SPNS2: variants seen among roughly 807,000 people sequenced by gnomAD.
SPNS2 encodes the protein sphingosine-1-phosphate transporter SPNS2.
Under a neutral mutation model 57.6 loss-of-function variants are expected in SPNS2, and 37 were observed. That is an observed-to-expected ratio of 0.64 (90% CI 0.49 to 0.85). SPNS2 has a LOEUF of 0.85. Ranked by LOEUF, SPNS2 falls within the 40% of genes least tolerant of loss-of-function variation. The pLI is 0.00. For synonymous variants in SPNS2, 440 were observed against 346.9 expected, an observed-to-expected ratio of 1.27 and a Z score of -2.98; for missense variants, 831 against 779.1, an observed-to-expected ratio of 1.07 and a Z score of -0.79.
At chr17:4,527,417 ACTAT>A (rs905856112) in intron 3 of SPNS2, among the ~76,000 whole-genome samples, 5 of 152,244 alleles carry the variant, frequency 3.3e-5, no homozygotes, top group Admixed American at 3.3e-4. Flanking sequence ...TTTGGGAAGA[ACTAT>A]CTATCCATCT....
intron 3 of SPNS2, among the ~76,000 whole-genome samples, chr17:4,528,804 C>T (rs1905341029): frequency 2.0e-5 from 3 of 151,920 alleles, no homozygotes; most frequent in Admixed American, 6.6e-5. Flanking sequence ...GACAGGGTCT[C>T]GCTCTGTCAC....
Position 4,499,024 on chromosome 17 carries a change from C to G in SPNS2, c.-24C>G. 1.5e-5 allele frequency: 15 copies of G among 999,394 alleles called. No homozygotes were observed. The highest frequency in any genetic ancestry group is 1.8e-5 in the Non-Finnish European group (15 of 840,638). 61.9% of individuals were successfully genotyped at this position (999,394 alleles called of 1,614,324 possible). On this transcript the variant is annotated 5_prime_UTR_variant, in exon 1 of 13. Transcript: ENST00000329078. This position sits in a 1 kb window ranked among gnomAD's most constrained non-coding sequence, Gnocchi z 5.2. Reference sequence around the variant, plus strand: ...CCTGGGCCCCGCGCCCCCCGCGCCCCCCGCCGCCCCGATCCGGGCCGGCAT... The same window carrying G: ...CCTGGGCCCCGCGCCCCCCGCGCCCGCCGCCGCCCCGATCCGGGCCGGCAT...
chr17:4,520,408 C>T (rs1194137594), intron 2 of SPNS2, among the ~76,000 whole-genome samples: 1 of 152,068 alleles, frequency 6.6e-6, no homozygotes, highest in South Asian at 2.1e-4. Flanking sequence ...CGGGGTCTGG[C>T]GAAGGTCTGG....
Position 4,533,414 on chromosome 17 carries a change from C to G in SPNS2, c.1260C>G (p.Ser420Arg). 6.2e-7 allele frequency: 1 copy of G among 1,605,928 alleles called. No individual in the cohort carries two copies. Among genetic ancestry groups the G allele is most frequent in the Non-Finnish European group, 8.5e-7 (1 of 1,176,698 alleles). The change falls in exon 8 of 13, where the codon AGC (serine) becomes AGG (arginine). Residue 420 changes from serine to arginine, a missense_variant. By Grantham distance (110) the Ser-to-Arg change is moderately radical. Around this residue, in one of 2 missense-constraint regions of SPNS2, gnomAD observed 526 missense variants for 400.9 expected, o/e 1.31. Transcript: ENST00000329078. ...FICLIFVAAK[S>R]SIVGAYICIF... ...GCCTGATCTTCGTGGCTGCCAAGAGCAGCATCGTAGGAGCCTATGTGAGTG... is the reference window on the plus strand; with the variant it reads ...GCCTGATCTTCGTGGCTGCCAAGAGGAGCATCGTAGGAGCCTATGTGAGTG...
At chr17:4,533,632 G>A (rs757671474) in intron 8 of SPNS2, 156 bp from the exon 9 acceptor site, 6 of 1,047,484 alleles carry the variant, frequency 5.7e-6, no homozygotes, top group Non-Finnish European at 8.4e-6. Context: ...CGTGGGCATG[G>A]CTTGAAGTCT....
In SPNS2 at chr17:4,499,342, C is replaced by T. The variant is rs1305739197; in HGVS notation, c.295C>T (p.Arg99Cys). The change falls in exon 1 of 13, where the codon CGC (arginine) becomes TGC (cysteine). Residue 99 changes from arginine to cysteine, a missense_variant. Arg to Cys is a radical substitution (Grantham distance 180). Around this residue, in one of 2 missense-constraint regions of SPNS2, gnomAD observed 305 missense variants for 378.3 expected, o/e 0.81. Coordinates refer to ENST00000329078, the MANE Select transcript of SPNS2 (RefSeq NM_001124758.3). This position sits in a 1 kb window ranked among gnomAD's most constrained non-coding sequence, Gnocchi z 5.2. ...AQQPKPASLGRGRGAAAAILS... is the reference protein window; with the variant it reads ...AQQPKPASLGCGRGAAAAILS... The stretch of plus-strand genomic sequence containing the variant: ...GCAGCCCAAACCGGCCAGCTTGGGC[C>T]GCGGGCGGGGGGCAGCCGCCGCCAT... The T allele has an allele frequency of 1.4e-6, 2 of 1,462,866 alleles. No individual in the cohort carries two copies. The highest frequency in any genetic ancestry group is 1.5e-5 in the African/African-American group (1 of 67,916). The allele number at this position is 1,462,866 out of a possible 1,614,324, so 90.6% of individuals were successfully genotyped here. A position where few individuals can be genotyped will look rare whatever the true frequency, so the allele number is the denominator to read the frequency against.
chr17:4,530,681 C>A lies in SPNS2; in HGVS notation c.623C>A (p.Ala208Asp). The A allele has an allele frequency of 6.2e-7, 1 of 1,613,842 alleles. No homozygotes were observed. The highest frequency in any genetic ancestry group is 8.5e-7 in the Non-Finnish European group (1 of 1,179,920). The change falls in exon 4 of 13, where the codon GCC becomes GAC. Residue 208 changes from alanine (A) to aspartate (D), a missense_variant. By Grantham distance (126) the Ala-to-Asp change is moderately radical. Around this residue, in one of 2 missense-constraint regions of SPNS2, gnomAD observed 305 missense variants for 378.3 expected, o/e 0.81. Transcript: ENST00000329078. ...LSRGLVGIGEASYSTIAPTII... is the reference protein window; with the variant it reads ...LSRGLVGIGEDSYSTIAPTII... ...CGGGGGCTGGTGGGCATCGGGGAGG[C>A]CAGCTACTCCACCATCGCCCCCACT...
chr17:4,510,726 G>C lies in SPNS2; in HGVS notation c.371-2521G>C, dbSNP rs892345287. Among the ~76,000 whole-genome samples, 31 of 152,178 alleles carry C rather than the reference G, an allele frequency of 2.0e-4. No homozygotes were observed. The highest frequency in any genetic ancestry group is 7.3e-5 in the Non-Finnish European group (5 of 68,040). ...CGACACCAAAATCGTGACTGTCCCTGCTCTGAGTCCTGGAGATGACCGGCC... is the reference window on the plus strand; with the variant it reads ...CGACACCAAAATCGTGACTGTCCCTCCTCTGAGTCCTGGAGATGACCGGCC... On this transcript the variant is annotated intron_variant, in intron 1 of 12. Transcript: ENST00000329078. The surrounding 1 kb of genome is among the most constrained non-coding windows in gnomAD (Gnocchi z 4.4).
At chr17:4,518,340 T>C (rs35273626) in intron 2 of SPNS2, among the ~76,000 whole-genome samples, 26,946 of 151,950 alleles carry the variant, frequency 0.18, 4,100 homozygotes, top group East Asian at 0.67. Context: ...CTGGCTAACA[T>C]GGTGAAACCC....
intron 5 of SPNS2, 27 bp downstream of exon 5, chr17:4,531,146 G>T (rs375227424): frequency 6.2e-7 from 1 of 1,611,744 alleles, no homozygotes; most frequent in East Asian, 2.2e-5. Context: ...TTCCCATGAG[G>T]ACACCCTCCG....
At chr17:4,513,514 A>C (rs1376830985) in intron 2 of SPNS2, among the ~76,000 whole-genome samples, 1 of 152,250 alleles carries the variant, frequency 6.6e-6, no homozygotes, top group Non-Finnish European at 1.5e-5. Flanking sequence ...TTGTGTAACA[A>C]AATGAATAAT....
chr17:4,536,009 C>CCCGGGG (rs951774361), intron 9 of SPNS2, 67 bp from the exon 10 acceptor site: 269 of 1,414,758 alleles, frequency 1.9e-4, no homozygotes, highest in South Asian at 2.8e-4. Flanking sequence ...AGTGCCACGG[C>CCCGGGG]CCGGGGCCAG....
Position 4,536,804 on chromosome 17 carries a change from C to T in SPNS2, c.1608-96C>T, listed in dbSNP as rs182983542. On this transcript the variant is annotated intron_variant, in intron 11 of 12. Coordinates refer to ENST00000329078, the MANE Select transcript of SPNS2 (RefSeq NM_001124758.3). Reference sequence around the variant, plus strand: ...TGACGAGGTCCCTGCCCAGCACCTCCGGTCAGCTGGCCCCCACGACACGAT... The same window carrying T: ...TGACGAGGTCCCTGCCCAGCACCTCTGGTCAGCTGGCCCCCACGACACGAT... The T allele has an allele frequency of 3.4e-4, 345 of 1,027,672 alleles. 1 individual carries two copies. The highest frequency in any genetic ancestry group is 5.8e-4 in the South Asian group (44 of 76,064). 63.7% of individuals were successfully genotyped at this position (1,027,672 alleles called of 1,614,324 possible).
chr17:4,522,768 C>A (rs963812140), intron 2 of SPNS2, among the ~76,000 whole-genome samples: 22 of 152,240 alleles, frequency 1.4e-4, no homozygotes, highest in African/African-American at 5.1e-4. Flanking sequence ...GGATGGGGGG[C>A]CACCTCGCTG....
At chr17:4,529,268 C>T (rs983861190) in intron 3 of SPNS2, among the ~76,000 whole-genome samples, 5 of 151,302 alleles carry the variant, frequency 3.3e-5, no homozygotes, top group East Asian at 2.0e-4. Context: ...TTTTTAGAGA[C>T]GAGGTCTCAC....
chr17:4,524,514 A>G (rs1468235446), intron 2 of SPNS2, among the ~76,000 whole-genome samples: 2 of 152,144 alleles, frequency 1.3e-5, no homozygotes, highest in Admixed American at 1.3e-4. Flanking sequence ...GCAAAACCCC[A>G]TCTCTACTAA....
Position 4,532,631 on chromosome 17 carries a change from C to A in SPNS2, c.882C>A (p.Asp294Glu), listed in dbSNP as rs1211905836. ...TKRGHADQLG[D>E]QLKARTSWLR... ...GGGGTCATGCCGACCAGCTCGGGGA[C>A]CAGCTCAAGGCCCGGACCTCATGGC... The change falls in exon 6 of 13, where the codon GAC becomes GAA. Residue 294 changes from aspartate (D) to glutamate (E), a missense_variant. By Grantham distance (45) the Asp-to-Glu change is conservative. Transcript: ENST00000329078. 13 of 1,614,130 alleles carry A rather than the reference C, an allele frequency of 8.1e-6. No individual in the cohort carries two copies. The highest frequency in any genetic ancestry group is 1.1e-5 in the Non-Finnish European group (13 of 1,180,036).
chr17:4,537,515 C>G lies in SPNS2; in HGVS notation c.*67C>G. The G allele has an allele frequency of 2.2e-6, 1 of 456,862 alleles. No homozygotes were observed. Among genetic ancestry groups the G allele is most frequent in the Non-Finnish European group, 4.4e-6 (1 of 227,032 alleles). 28.3% of individuals were successfully genotyped at this position (456,862 alleles called of 1,614,324 possible). On this transcript the variant is annotated 3_prime_UTR_variant, in exon 13 of 13. Coordinates refer to ENST00000329078, the MANE Select transcript of SPNS2 (RefSeq NM_001124758.3). ...CGTCTGGGAGGTGTCCTACAGCGTC[C>G]GGGACCGGCTGGGCTGCCCCAAAGC... is the stretch of plus-strand genomic sequence containing the variant.
intron 3 of SPNS2, among the ~76,000 whole-genome samples, chr17:4,525,855 G>A (rs1430086622): frequency 1.3e-5 from 2 of 152,194 alleles, no homozygotes; most frequent in African/African-American, 2.4e-5. Flanking sequence ...GGAACACGGC[G>A]AGTGCTCAGC....
Sources: allele counts gnomAD v4.1 joint callset (sites outside exome capture counted in the v4.1 genomes callset), GRCh38; gene constraint gnomAD v4.1.1; regional missense constraint gnomAD v4.1.1; non-coding constraint Gnocchi (gnomAD v3.1); transcripts MANE v1.5; gene names NCBI Gene and HGNC (gene_info 2026-07-23, HGNC 2026-07-21).